The following CEP350 variants were observed in gnomAD, a reference collection of about 807,000 sequenced individuals.
CEP350 encodes centrosome-associated protein 350.
Under a neutral mutation model 331.8 loss-of-function variants are expected in CEP350, and 126 were observed. The ratio of observed to expected loss-of-function variants is 0.38; its 90% CI spans 0.33 to 0.44. The LOEUF is 0.44. Ranked by LOEUF, CEP350 falls within the 20% of genes least tolerant of loss-of-function variation. The pLI, the probability that CEP350 is intolerant of heterozygous loss-of-function variation, is 1.00. For synonymous variants in CEP350, 1,200 were observed against 1,259.5 expected (o/e 0.95, Z 1.00); for missense variants, 3,406 against 3,634.6 (o/e 0.94, Z 1.62).
Position 180,087,558 on chromosome 1 carries a change from T to C in CEP350, c.6286-20T>C. On this transcript the variant is annotated intron_variant, in intron 31 of 37. Coordinates refer to ENST00000367607, the MANE Select transcript of CEP350 (RefSeq NM_014810.5). ...TTTAAAAATTCTGCCTAGTGACTCC[T>C]CTGGTTTTTCTAAACTTAGTCATAT... 5.9e-6 allele frequency: 9 copies of C among 1,531,094 alleles called. No homozygotes were observed. The highest frequency in any genetic ancestry group is 7.0e-6 in the Non-Finnish European group (8 of 1,136,630). The allele number at this position is 1,531,094 out of a possible 1,614,324, so 94.8% of individuals were successfully genotyped here. A position where few individuals can be genotyped will look rare whatever the true frequency, so the allele number is the denominator to read the frequency against.
chr1:180,004,894 GCTTGCTTGCTTGCTTTCTTT>G (rs1465248228), intron 7 of CEP350, among the ~76,000 whole-genome samples: 19 of 59,988 alleles, frequency 3.2e-4, no homozygotes, highest in African/African-American at 9.5e-4. Flanking sequence ...TTGCTTGCTT[GCTTGCTTGCTTGCTTTCTTT>G]CTTTCTTTCT....
At chr1:179,956,489 G>A (rs748858467) in intron 1 of CEP350, among the ~76,000 whole-genome samples, 17 of 152,042 alleles carry the variant, frequency 1.1e-4, no homozygotes, top group Non-Finnish European at 1.8e-4. Context: ...ATGTAAGAGC[G>A]TTAATACTTA....
intron 36 of CEP350, among the ~76,000 whole-genome samples, chr1:180,097,591 T>C (rs760896014): frequency 1.4e-4 from 21 of 152,136 alleles, no homozygotes; most frequent in Admixed American, 4.6e-4. Flanking sequence ...CAAAATAAAT[T>C]ATTAATAACA....
Position 180,020,382 on chromosome 1 carries a change from G to C in CEP350, c.2608G>C (p.Asp870His), listed in dbSNP as rs1326106451. ...EYDVQQAPQE[D>H]GPWTKAVTPP... Reference sequence around the variant, plus strand: ...TGATGTGCAGCAGGCACCTCAAGAAGATGGACCTTGGACCAAGGCTGTAAC... The same window carrying C: ...TGATGTGCAGCAGGCACCTCAAGAACATGGACCTTGGACCAAGGCTGTAAC... Residue 870 changes from aspartate (D) to histidine (H), a missense_variant, in exon 12 of 38, where the codon GAT (aspartate) becomes CAT (histidine). Physicochemically the swap from Asp to His is moderately conservative, Grantham distance 81 (BLOSUM62 -1). Around this residue, in one of 5 missense-constraint regions of CEP350, gnomAD observed 1,857 missense variants for 1,909.2 expected, o/e 0.97. Coordinates refer to ENST00000367607, the MANE Select transcript of CEP350 (RefSeq NM_014810.5). 6.2e-7 allele frequency: 1 copy of C among 1,613,784 alleles called. No individual in the cohort carries two copies. The highest frequency in any genetic ancestry group is 8.5e-7 in the Non-Finnish European group (1 of 1,179,900).
intron 33 of CEP350, 142 bp downstream of exon 33, chr1:180,090,938 T>A: frequency 1.4e-6 from 1 of 739,732 alleles, no homozygotes; most frequent in Non-Finnish European, 2.0e-6. Flanking sequence ...AAGTTACTTT[T>A]ATATTTTAAA....
chr1:180,015,133 G>A (rs1654888161), intron 10 of CEP350, among the ~76,000 whole-genome samples: 1 of 151,948 alleles, frequency 6.6e-6, no homozygotes, highest in African/African-American at 2.4e-5. Context: ...TGGTGTTGCT[G>A]TCTCAAGGGT....
chr1:180,031,239 T>G, intron 14 of CEP350, 81 bp from the exon 15 acceptor site: 1 of 770,700 alleles, frequency 1.3e-6, no homozygotes, highest in Non-Finnish European at 2.1e-6. Flanking sequence ...TTTTGTTATT[T>G]TATTGAAATC....
At chr1:180,041,377 A>T in intron 18 of CEP350, 129 bp downstream of exon 18, 1 of 707,016 alleles carries the variant, frequency 1.4e-6, no homozygotes. Context: ...AGTACTTTTT[A>T]TGGGATAATG....
At chr1:180,074,404 G>A (rs1981314) in intron 27 of CEP350, among the ~76,000 whole-genome samples, 107,740 of 152,046 alleles carry the variant, frequency 0.71, 39,540 homozygotes, top group Admixed American at 0.79. Context: ...ATATGCATAA[G>A]ACATGGACTG....
At chr1:179,966,465 C>T (rs1651020360) in intron 1 of CEP350, among the ~76,000 whole-genome samples, 1 of 152,148 alleles carries the variant, frequency 6.6e-6, no homozygotes, top group Non-Finnish European at 1.5e-5. Context: ...GTGTAGTACT[C>T]AGGTCTTCAG....
Position 180,041,570 on chromosome 1 carries a change from A to G in CEP350, c.4222-92A>G, listed in dbSNP as rs1471367216. ...TGTAGTAAAGTGTTTTTTACTATGA[A>G]TAAGACATGAAATAAATTTATAAAT... is the stretch of plus-strand genomic sequence containing the variant. On this transcript the variant is annotated intron_variant, in intron 18 of 37. Transcript: ENST00000367607. 12 of 1,269,130 alleles carry G rather than the reference A, an allele frequency of 9.5e-6. 1 individual carries two copies. Among genetic ancestry groups the G allele is most frequent in the Admixed American group, 2.7e-5 (1 of 36,436 alleles). 78.6% of individuals were successfully genotyped at this position (1,269,130 alleles called of 1,614,324 possible).
chr1:180,083,726 T>TA (rs1659699156), intron 30 of CEP350, among the ~76,000 whole-genome samples: 1 of 152,204 alleles, frequency 6.6e-6, no homozygotes, highest in Non-Finnish European at 1.5e-5. Flanking sequence ...CTGCATGTCT[T>TA]ACCAAGACAG....
rs190572765 is a variant in CEP350 at position 179,977,080 on chromosome 1, C to T, written c.-13-9089C>T. Among the ~76,000 whole-genome samples the T allele has an allele frequency of 2.4e-4, 36 of 152,230 alleles. No homozygotes were observed. In the East Asian group the frequency reaches 6.4e-3, roughly 27 times the overall value. The stretch of plus-strand genomic sequence containing the variant: ...TGTTCCGTTGCTTATCCTTTCAATT[C>T]CAAAACTCTGCAGTCTGTTTTTCCG... On this transcript the variant is annotated intron_variant, in intron 1 of 37. Transcript: ENST00000367607.
At chr1:180,073,951 C>G in intron 27 of CEP350, 1 of 1,298,276 alleles carries the variant, frequency 7.7e-7, no homozygotes, top group South Asian at 1.2e-5. Context: ...ATAGAGCATG[C>G]TCTGTTCTTT....
At chr1:179,974,205 A>G (rs187947743) in intron 1 of CEP350, among the ~76,000 whole-genome samples, 153 of 151,574 alleles carry the variant, frequency 1.0e-3, no homozygotes, top group African/African-American at 3.6e-3. Context: ...TCAGCCTCCC[A>G]CGTAGCTGGG....
Position 180,050,204 on chromosome 1 carries a change from G to A in CEP350, c.4792+1499G>A, listed in dbSNP as rs191379442. On this transcript the variant is annotated intron_variant, in intron 22 of 37. Coordinates refer to ENST00000367607, the MANE Select transcript of CEP350 (RefSeq NM_014810.5). ...TACGTAACACCTCAAGGTGTGATCT[G>A]TGAAAGAAAAAATTGATGAATTGTG... Among the ~76,000 whole-genome samples the A allele has an allele frequency of 3.2e-3, 488 of 152,290 alleles. 1 individual carries two copies. Among genetic ancestry groups the A allele is most frequent in the African/African-American group, 0.011 (458 of 41,556 alleles).
intron 27 of CEP350, among the ~76,000 whole-genome samples, chr1:180,069,786 T>C (rs1018573119): frequency 2.6e-5 from 4 of 152,166 alleles, no homozygotes; most frequent in African/African-American, 9.7e-5. Flanking sequence ...TTTTAAAATG[T>C]AAAGCACTAT....
Position 180,033,964 on chromosome 1 carries a change from A to T in CEP350, c.3828A>T (p.Glu1276Asp), listed in dbSNP as rs1370470014. The T allele has an allele frequency of 6.2e-7, 1 of 1,613,912 alleles. No homozygotes were observed. The highest frequency in any genetic ancestry group is 2.2e-5 in the East Asian group (1 of 44,878). Residue 1276 changes from glutamate (E) to aspartate (D), a missense_variant, in exon 16 of 38, where the codon GAA becomes GAT. This residue lies in a region of CEP350 where 1,857 missense variants were observed against 1,909.2 expected (regional missense o/e 0.97). Transcript: ENST00000367607. The part of the protein sequence containing the change: ...LQFDVAGTSS[E>D]RSKSSVMPPT... ...TTGACGTTGCAGGAACTTCTTCAGA[A>T]AGATCTAAGTCGTCAGTAATGCCTC...
intron 17 of CEP350, among the ~76,000 whole-genome samples, chr1:180,039,760 G>A (rs1186988544): frequency 6.6e-6 from 1 of 151,620 alleles, no homozygotes; most frequent in Non-Finnish European, 1.5e-5. Context: ...TTGCATTTCC[G>A]TGTAACTTTT....
Sources: allele counts gnomAD v4.1 joint callset (sites outside exome capture counted in the v4.1 genomes callset), GRCh38; gene constraint gnomAD v4.1.1; regional missense constraint gnomAD v4.1.1; transcripts MANE v1.5; gene names NCBI Gene and HGNC (gene_info 2026-07-23, HGNC 2026-07-21).